Variants in ZBED6 observed in about 807,000 individuals in gnomAD.
ZBED6 encodes zinc finger BED-type containing 6, also known as zinc finger BED domain-containing protein 6.
Under a neutral mutation model 58.4 loss-of-function variants are expected in ZBED6, and 40 were observed. The observed-to-expected ratio is 0.68, with a 90% CI of 0.53 to 0.89. The LOEUF (loss-of-function observed/expected upper bound fraction) is 0.89. Among genes scored for constraint, ZBED6 ranks in the 40% least tolerant of loss-of-function variants. The pLI is 0.00. For missense variants in ZBED6, 1,057 were observed against 1,003.9 expected, an observed-to-expected ratio of 1.05 and a Z score of -0.71; for synonymous variants, 439 against 350.6, an observed-to-expected ratio of 1.25 and a Z score of -2.82.
intron 1 of ZBED6, among the ~76,000 whole-genome samples, chr1:203,804,267 T>C (rs1401180343): frequency 2.0e-5 from 3 of 151,112 alleles, no homozygotes; most frequent in Non-Finnish European, 4.4e-5. Flanking sequence ...TTCTCCTGCC[T>C]CAGCCTCCCG....
chr1:203,847,558 A>G (rs1292099843), exon 12 of ZBED6: 1 of 1,613,946 alleles, frequency 6.2e-7, no homozygotes, highest in South Asian at 1.1e-5. Flanking sequence ...GCACATCAAG[A>G]CGCTGGAAGA....
chr1:203,808,126 A>G (rs922673205), intron 1 of ZBED6, among the ~76,000 whole-genome samples: 1 of 152,144 alleles, frequency 6.6e-6, no homozygotes, highest in Non-Finnish European at 1.5e-5. Context: ...GTATTTTTCA[A>G]AAGTATAAGT....
intron 1 of ZBED6, among the ~76,000 whole-genome samples, chr1:203,812,266 C>A (rs1161118549): frequency 6.6e-6 from 1 of 152,138 alleles, no homozygotes; most frequent in African/African-American, 2.4e-5. Flanking sequence ...CTGATCCTCT[C>A]CCTCCTCCCA....
chr1:203,836,797 A>G (rs1684493912), intron 9 of ZBED6, among the ~76,000 whole-genome samples: 1 of 151,908 alleles, frequency 6.6e-6, no homozygotes, highest in Non-Finnish European at 1.5e-5. Flanking sequence ...AGAATTAGGA[A>G]ACTTGATTTA....
chr1:203,812,478 A>T (rs1674817480), intron 1 of ZBED6, among the ~76,000 whole-genome samples: 1 of 151,562 alleles, frequency 6.6e-6, no homozygotes, highest in Admixed American at 6.6e-5. Context: ...TTGGATGCAT[A>T]CTATTCCATG....
chr1:203,848,173 A>G (rs1385339690), intron 12 of ZBED6, among the ~76,000 whole-genome samples, 158 bp from the exon 13 acceptor site: 1 of 152,022 alleles, frequency 6.6e-6, no homozygotes, highest in Non-Finnish European at 1.5e-5. Flanking sequence ...TTGCTATTTT[A>G]ATGTGTATTT....
At chr1:203,853,480 A>G (rs1245318359) in exon 17 of ZBED6, 1 of 152,556 alleles carries the variant, frequency 6.6e-6, no homozygotes, top group Non-Finnish European at 1.5e-5. Context: ...TTTCCTTCAT[A>G]TCACCTCAAG....
chr1:203,802,915 A>C (rs1178157150), exon 1 of ZBED6: 1 of 152,476 alleles, frequency 6.6e-6, no homozygotes, highest in East Asian at 1.9e-4. Flanking sequence ...TTTCTGCCTC[A>C]TTATTATTAA....
At chr1:203,799,781 C>T (rs772926694) in exon 1 of ZBED6, 3 of 1,036,578 alleles carry the variant, frequency 2.9e-6, no homozygotes, top group East Asian at 2.6e-5. Context: ...AAACAGATAC[C>T]CTACTAAGTG....
At position 203,803,425 on chromosome 1, in the gene ZBED6, A is replaced by G. The variant is rs57164762; in HGVS notation, c.*2554+409A>G. The stretch of plus-strand genomic sequence containing the variant: ...AGGCTGGTCTGGAATTCCTGACCTC[A>G]GGTGATCCACCAGCCTCAGCCTCCC... On this transcript the variant is annotated intron_variant, in intron 1 of 16. Transcript: ENST00000550078. 1.8e-3 allele frequency among the ~76,000 whole-genome samples: 279 copies of G among 152,280 alleles called. 7 individuals carry two copies. The East Asian group carries it at 0.043, about 23-fold the overall frequency.
chr1:203,799,845 A>G, exon 1 of ZBED6: 2 of 1,526,614 alleles, frequency 1.3e-6, no homozygotes, highest in Non-Finnish European at 1.8e-6. Context: ...TCCTTGCTTT[A>G]AAAACAGTTT....
exon 13 of ZBED6, chr1:203,848,342 GAGA>G: frequency 1.2e-6 from 2 of 1,612,650 alleles, no homozygotes; most frequent in Non-Finnish European, 1.7e-6. Context: ...GATGAAAGAA[GAGA>G]AGAACCTTCA....
At chr1:203,797,955 T>G in exon 1 of ZBED6, 1 of 1,535,926 alleles carries the variant, frequency 6.5e-7, no homozygotes. Context: ...TGACCCCCAG[T>G]ACACCTGGCG....
exon 1 of ZBED6, chr1:203,799,043 T>G: frequency 1.3e-6 from 2 of 1,536,152 alleles, no homozygotes; most frequent in Non-Finnish European, 8.7e-7. Context: ...CTTTGGAAAC[T>G]GCGTCTTTTC....
At chr1:203,803,059 A>G (rs1671008427) in intron 1 of ZBED6, 43 bp downstream of exon 1, 1 of 152,580 alleles carries the variant, frequency 6.6e-6, no homozygotes, top group African/African-American at 2.4e-5. Context: ...AGGAGTGAAC[A>G]TTCTTGTCAT....
At position 203,799,783 on chromosome 1, in the gene ZBED6, T is replaced by C. The variant is rs528552736; in HGVS notation, c.2261T>C (p.Leu754Pro). Residue 754 changes from leucine to proline, a missense_variant, in exon 1 of 17, where the codon CTA (leucine) becomes CCA (proline). By Grantham distance (98) the Leu-to-Pro change is moderately conservative (BLOSUM62 -3). Transcript: ENST00000550078. Reference sequence around the variant, plus strand: ...TCTCTGAAACTTGAAACAGATACCCTACTAAGTGCCATGCTTAAATCCAAG... The same window carrying C: ...TCTCTGAAACTTGAAACAGATACCCCACTAAGTGCCATGCTTAAATCCAAG... The C allele has an allele frequency of 3.1e-5, 33 of 1,060,774 alleles. No individual in the cohort carries two copies. In the East Asian group the frequency reaches 5.7e-4, roughly 18 times the overall value. The allele number at this position is 1,060,774 out of a possible 1,614,324, so 65.7% of individuals were successfully genotyped here. A position where few individuals can be genotyped will look rare whatever the true frequency, so the allele number is the denominator to read the frequency against.
exon 1 of ZBED6, chr1:203,798,833 G>A: frequency 6.5e-7 from 1 of 1,536,152 alleles, no homozygotes; most frequent in East Asian, 2.4e-5. Context: ...AGAGGTTCAT[G>A]CAGATTGTGG....
Position 203,818,709 on chromosome 1 carries a change from TATC to T in ZBED6, c.*2873+23_*2873+25del, listed in dbSNP as rs1180611393. On this transcript the variant is annotated intron_variant, in intron 3 of 16. Coordinates refer to ENST00000550078, the Ensembl canonical transcript of ZBED6. ...ATTGATGTAAGTTTTTTATTTCCGT[TATC>T]ATAATAAGTAGTCTGGAGACCTGGT... The T allele has an allele frequency of 1.9e-6, 3 of 1,613,924 alleles. No homozygotes were observed. The highest frequency in any genetic ancestry group is 1.7e-5 in the Admixed American group (1 of 60,004).
At chr1:203,819,325 G>A (rs549751238) in intron 3 of ZBED6, among the ~76,000 whole-genome samples, 7 of 149,868 alleles carry the variant, frequency 4.7e-5, no homozygotes, top group Admixed American at 4.0e-4. Context: ...AGGTTCAAGC[G>A]ATTCTCCTGC....
Sources: allele counts gnomAD v4.1 joint callset (sites outside exome capture counted in the v4.1 genomes callset), GRCh38; gene constraint gnomAD v4.1.1; transcripts MANE v1.5; gene names NCBI Gene and HGNC (gene_info 2026-07-23, HGNC 2026-07-21).